SRBD1: variants seen among roughly 807,000 people sequenced by gnomAD.
SRBD1 encodes S1 RNA binding domain 1.
Under a neutral mutation model 115.3 loss-of-function variants are expected in SRBD1, and 88 were observed. That is an observed-to-expected ratio of 0.76 (90% confidence interval 0.64 to 0.91). The LOEUF (loss-of-function observed/expected upper bound fraction) is 0.91. Among genes scored for constraint, SRBD1 ranks in the 40% least tolerant of loss-of-function variants. The pLI is 0.00. For missense variants in SRBD1, 1,385 were observed against 1,177.4 expected, an observed-to-expected ratio of 1.18 and a Z score of -2.58; for synonymous variants, 509 against 407.7, an observed-to-expected ratio of 1.25 and a Z score of -2.99.
intron 14 of SRBD1, among the ~76,000 whole-genome samples, chr2:45,492,446 T>C (rs867438594): frequency 2.0e-5 from 3 of 152,160 alleles, no homozygotes; most frequent in Non-Finnish European, 4.4e-5. Flanking sequence ...TCTGTTGTTG[T>C]TGTTGTTTTT....
At chr2:45,582,237 C>T (rs563985572) in intron 5 of SRBD1, among the ~76,000 whole-genome samples, 10 of 152,102 alleles carry the variant, frequency 6.6e-5, no homozygotes, top group African/African-American at 1.7e-4. Context: ...TGTTTTTGAA[C>T]GCTACTGGAC....
intron 4 of SRBD1, among the ~76,000 whole-genome samples, chr2:45,598,927 CA>C (rs1295815831): frequency 6.6e-6 from 1 of 152,010 alleles, no homozygotes; most frequent in Non-Finnish European, 1.5e-5. Flanking sequence ...CAAAGCCAGC[CA>C]AAAAAACTGG....
At chr2:45,436,397 G>A (rs1411642887) in intron 16 of SRBD1, among the ~76,000 whole-genome samples, 1 of 152,170 alleles carries the variant, frequency 6.6e-6, no homozygotes, top group Non-Finnish European at 1.5e-5. Context: ...CATACTGGAA[G>A]TACCACCTAA....
intron 16 of SRBD1, among the ~76,000 whole-genome samples, chr2:45,445,158 T>G (rs3770256): frequency 0.12 from 18,999 of 152,146 alleles, 1,251 homozygotes; most frequent in East Asian, 0.2. Context: ...AAAACACTTG[T>G]TGGAATAAAC....
chr2:45,410,061 A>G (rs542506907), intron 19 of SRBD1, among the ~76,000 whole-genome samples: 3 of 152,328 alleles, frequency 2.0e-5, no homozygotes, highest in South Asian at 4.1e-4. Context: ...TCAATAATAA[A>G]AGGGCAAATA....
chr2:45,478,933 A>AT (rs1447583814), intron 15 of SRBD1, among the ~76,000 whole-genome samples: 5 of 152,092 alleles, frequency 3.3e-5, no homozygotes, highest in African/African-American at 1.2e-4. Context: ...TATTGGTGCC[A>AT]TTTTTCCAAT....
chr2:45,488,995 T>C (rs1027677720), intron 14 of SRBD1, among the ~76,000 whole-genome samples: 4 of 152,222 alleles, frequency 2.6e-5, no homozygotes, highest in African/African-American at 9.6e-5. Context: ...TTTAATCAAA[T>C]AGTCACACAA....
chr2:45,608,561 T>A (rs556430668), intron 1 of SRBD1, among the ~76,000 whole-genome samples: 1 of 152,276 alleles, frequency 6.6e-6, no homozygotes, highest in South Asian at 2.1e-4. Flanking sequence ...ACCTCATCCA[T>A]CTCCACGGTT....
At chr2:45,417,800 G>A (rs12611431) in intron 18 of SRBD1, among the ~76,000 whole-genome samples, 24,822 of 152,094 alleles carry the variant, frequency 0.16, 2,672 homozygotes, top group African/African-American at 0.3. Context: ...AGCTATGTCA[G>A]TATAAAGTGG....
At position 45,574,667 on chromosome 2, in the gene SRBD1, T is replaced by C. The variant is rs1673122110; in HGVS notation, c.1129A>G (p.Ile377Val). 2.5e-6 allele frequency: 4 copies of C among 1,613,880 alleles called. No homozygotes were observed. Among genetic ancestry groups the C allele is most frequent in the Non-Finnish European group, 3.4e-6 (4 of 1,179,900 alleles). The change falls in exon 8 of 21, where the codon ATT (isoleucine) becomes GTT (valine). Residue 377 changes from isoleucine to valine, a missense_variant. Transcript: ENST00000263736. ...TCAAGCGTGTCTTTGTCTTTAGCAA[T>C]CATATCTGCTAAAATATGCTGCACT... ...IGVQHILADM[I>V]AKDKDTLDFI...
intron 14 of SRBD1, among the ~76,000 whole-genome samples, chr2:45,522,739 TCAA>T: frequency 6.6e-6 from 1 of 152,318 alleles, no homozygotes; most frequent in East Asian, 1.9e-4. Flanking sequence ...TTCCACTCAA[TCAA>T]TAATAAGTAT....
At chr2:45,520,385 C>G (rs1671245012) in intron 14 of SRBD1, among the ~76,000 whole-genome samples, 2 of 152,234 alleles carry the variant, frequency 1.3e-5, no homozygotes, top group African/African-American at 2.4e-5. Flanking sequence ...CCTGCTGACA[C>G]TGCCACAGGC....
intron 10 of SRBD1, among the ~76,000 whole-genome samples, chr2:45,557,251 A>G (rs1229357574): frequency 6.6e-6 from 1 of 152,216 alleles, no homozygotes; most frequent in East Asian, 1.9e-4. Context: ...GGTAGGAGAG[A>G]GAACATAGTC....
At position 45,528,946 on chromosome 2, in the gene SRBD1, A is replaced by G. The variant is rs114952252; in HGVS notation, c.1874+17786T>C. On this transcript the variant is annotated intron_variant, in intron 14 of 20. Transcript: ENST00000263736. ...ATGGTCAGTGGATATGCTTTTACAA[A>G]TCTTTGACTCTACCATGCCAAGCAC... Among the ~76,000 whole-genome samples, 507 of 152,092 alleles carry G rather than the reference A, an allele frequency of 3.3e-3. 4 individuals carry two copies. Among genetic ancestry groups the G allele is most frequent in the African/African-American group, 0.011 (476 of 41,556 alleles).
intron 16 of SRBD1, among the ~76,000 whole-genome samples, chr2:45,455,672 A>C (rs1669130010): frequency 6.6e-6 from 1 of 151,948 alleles, no homozygotes; most frequent in East Asian, 1.9e-4. Context: ...TTTCTCCCTG[A>C]CACAACTTTG....
At chr2:45,599,357 C>T (rs2104244855) in intron 4 of SRBD1, 92 bp downstream of exon 4, 1 of 1,492,340 alleles carries the variant, frequency 6.7e-7, no homozygotes, top group Non-Finnish European at 9.0e-7. Context: ...AATTGAAAAC[C>T]CCCAGCCCTT....
At chr2:45,437,763 A>C (rs987411187) in intron 16 of SRBD1, among the ~76,000 whole-genome samples, 6 of 152,314 alleles carry the variant, frequency 3.9e-5, no homozygotes, top group African/African-American at 1.4e-4. Flanking sequence ...AACTCACATC[A>C]AAATGAATCA....
chr2:45,390,746 T>G (rs1666973605), intron 20 of SRBD1, among the ~76,000 whole-genome samples: 2 of 152,224 alleles, frequency 1.3e-5, no homozygotes, highest in Admixed American at 1.3e-4. Context: ...CACCCCTTTC[T>G]TCCCTTCCCC....
intron 14 of SRBD1, among the ~76,000 whole-genome samples, chr2:45,544,625 G>A (rs778159174): frequency 7.9e-5 from 12 of 152,084 alleles, no homozygotes; most frequent in Non-Finnish European, 1.6e-4. Context: ...AAGTACGATA[G>A]ACATTATTAC....
Sources: gnomAD v4.1 joint callset for allele counts (sites outside exome capture counted in the v4.1 genomes callset) on GRCh38, gnomAD v4.1.1 for gene constraint, MANE v1.5 for transcripts, NCBI Gene and HGNC (gene_info 2026-07-23, HGNC 2026-07-21) for gene names.